Variants in ZNF577 observed in about 807,000 individuals in gnomAD.
ZNF577 encodes zinc finger protein 577.
A neutral mutation model predicts 13.9 loss-of-function variants in ZNF577; 14 were observed. The ratio of observed to expected loss-of-function variants is 1.00; its 90% CI spans 0.66 to 1.57. ZNF577 has a LOEUF of 1.57. Among genes scored for constraint, ZNF577 ranks in the 40% most tolerant of loss-of-function variants. The pLI is 0.00. For missense variants in ZNF577, 555 were observed against 579.2 expected, an observed-to-expected ratio of 0.96 and a Z score of 0.43; for synonymous variants, 203 against 202.9, an observed-to-expected ratio of 1.00 and a Z score of 0.00.
At chr19:51,814,991 G>A (rs931636204) in intron 9 of ZNF577, among the ~76,000 whole-genome samples, 3 of 151,334 alleles carry the variant, frequency 2.0e-5, no homozygotes, top group African/African-American at 7.3e-5. Flanking sequence ...CGTATTTTTA[G>A]TAGAGGCGGG....
At chr19:51,805,854 A>G (rs1266864133) in intron 10 of ZNF577, among the ~76,000 whole-genome samples, 4 of 152,224 alleles carry the variant, frequency 2.6e-5, no homozygotes, top group African/African-American at 9.6e-5. Context: ...CTGAAGTAGA[A>G]GAAGTTTCAC....
rs893730424 is a variant in ZNF577, at chr19:51,878,431, T to C, written c.145A>G (p.Lys49Glu). The change falls in exon 4 of 6, where the codon AAG (lysine) becomes GAG (glutamate). Residue 49 changes from lysine (K) to glutamate (E), a missense_variant. Lys to Glu is a moderately conservative substitution (Grantham distance 56, BLOSUM62 1). Coordinates refer to ENST00000638348, the MANE Select transcript of ZNF577 (RefSeq NM_001370449.1). ...FLDQSQKVLY[K>E]EVMLENYINL... is the part of the protein sequence containing the mutation. Reference sequence around the variant, plus strand: ...ATGTAGTTCTCCAACATTACTTCCTTGTACAAGACCTTCTGAGACTGGTCC... The same window carrying C: ...ATGTAGTTCTCCAACATTACTTCCTCGTACAAGACCTTCTGAGACTGGTCC... 1 of 1,614,134 alleles carries C rather than the reference T, an allele frequency of 6.2e-7. No homozygotes were observed. Among genetic ancestry groups the C allele is most frequent in the East Asian group, 2.2e-5 (1 of 44,876 alleles).
intron 9 of ZNF577, among the ~76,000 whole-genome samples, chr19:51,833,311 C>T: frequency 6.6e-6 from 1 of 152,118 alleles, no homozygotes; most frequent in African/African-American, 2.4e-5. Flanking sequence ...TTGGAGATTA[C>T]AATGCTATAC....
At chr19:51,835,358 A>G (rs2084282578) in intron 9 of ZNF577, among the ~76,000 whole-genome samples, 1 of 151,898 alleles carries the variant, frequency 6.6e-6, no homozygotes, top group Admixed American at 6.6e-5. Context: ...GAATTAGAAA[A>G]TCTAAATAGT....
intron 9 of ZNF577, among the ~76,000 whole-genome samples, chr19:51,839,102 G>C (rs2084304991): frequency 6.6e-6 from 1 of 152,146 alleles, no homozygotes; most frequent in African/African-American, 2.4e-5. Flanking sequence ...TTGCAAAGGA[G>C]ATACCATCAT....
In ZNF577 at chr19:51,871,826, G is replaced by A. The variant is rs1181973589; in HGVS notation, c.*706C>T. 1 of 152,164 alleles carries A rather than the reference G, an allele frequency of 6.6e-6. No homozygotes were observed. Among genetic ancestry groups the A allele is most frequent in the African/African-American group, 2.4e-5 (1 of 41,438 alleles). 9.4% of individuals were successfully genotyped at this position (152,164 alleles called of 1,614,324 possible). A position where few individuals can be genotyped will look rare whatever the true frequency, so the allele number is the denominator to read the frequency against. On this transcript the variant is annotated 3_prime_UTR_variant, in exon 6 of 6. Transcript: ENST00000638348. ...TCTAGAAGCTGGAAGGGCAAAGAAA[G>A]ACGCTCCCCTAGAGCCTCCAAAAAG...
In ZNF577 at chr19:51,824,156, TC is replaced by T; in HGVS notation, c.*600-12483del. 1 of 1,614,086 alleles carries T rather than the reference TC, an allele frequency of 6.2e-7. No individual in the cohort carries two copies. The highest frequency in any genetic ancestry group is 8.5e-7 in the Non-Finnish European group (1 of 1,179,984). ...TGCATCCAGCCTGGGCCCAGAACCA[TC>T]GCACCATGAGTCTGGCCAAGAGGGT... is the stretch of plus-strand genomic sequence containing the variant. On this transcript the variant is annotated intron_variant and NMD_transcript_variant, in intron 9 of 10. Coordinates refer to the ZNF577 transcript ENST00000638827. This position sits in a 1 kb window ranked among gnomAD's most constrained non-coding sequence, Gnocchi z 4.7.
Position 51,810,607 on chromosome 19 carries a change from G to A in ZNF577, c.*817+850C>T, listed in dbSNP as rs528033480. Among the ~76,000 whole-genome samples, 33 of 152,262 alleles carry A rather than the reference G, an allele frequency of 2.2e-4. 1 individual carries two copies. The South Asian group carries it at 6.4e-3, about 30-fold the overall frequency. Reference sequence around the variant, plus strand: ...TAATGTCTCCGTGTCCAGCAACATGGTTCTGTTTAGCCTGGTCTGCACACA... The same window carrying A: ...TAATGTCTCCGTGTCCAGCAACATGATTCTGTTTAGCCTGGTCTGCACACA... On this transcript the variant is annotated intron_variant and NMD_transcript_variant, in intron 10 of 10. Coordinates refer to the ZNF577 transcript ENST00000638827.
intron 5 of ZNF577, among the ~76,000 whole-genome samples, chr19:51,853,966 T>C (rs1018759524): frequency 1.3e-5 from 2 of 150,836 alleles, no homozygotes; most frequent in South Asian, 2.1e-4. Flanking sequence ...AGATTATAGG[T>C]AGAAGATAAA....
At chr19:51,814,967 G>A (rs900266497) in intron 9 of ZNF577, among the ~76,000 whole-genome samples, 1 of 151,476 alleles carries the variant, frequency 6.6e-6, no homozygotes, top group Non-Finnish European at 1.5e-5. Context: ...CTGCCACCAC[G>A]TCTGGCTAAT....
At chr19:51,830,370 C>T (rs747001343) in intron 9 of ZNF577, among the ~76,000 whole-genome samples, 1 of 152,200 alleles carries the variant, frequency 6.6e-6, no homozygotes. Flanking sequence ...CTCTCCTTGA[C>T]AGCAAACTCA....
At chr19:51,885,560 G>A (rs908802290) in intron 1 of ZNF577, among the ~76,000 whole-genome samples, 11 of 152,242 alleles carry the variant, frequency 7.2e-5, no homozygotes, top group African/African-American at 2.6e-4. Flanking sequence ...TGCCTAGGCT[G>A]GAGTGCAATG....
At chr19:51,876,904 G>A (rs2084773105) in intron 5 of ZNF577, among the ~76,000 whole-genome samples, 1 of 146,620 alleles carries the variant, frequency 6.8e-6, no homozygotes, top group South Asian at 2.1e-4. Context: ...CTCCAGCCCA[G>A]CCACAGTGCG....
chr19:51,859,691 C>T (rs1430475652), intron 5 of ZNF577, among the ~76,000 whole-genome samples: 1 of 152,108 alleles, frequency 6.6e-6, no homozygotes, highest in Non-Finnish European at 1.5e-5. Flanking sequence ...GGAATTCACA[C>T]TTACGTGGTA....
intron 5 of ZNF577, among the ~76,000 whole-genome samples, chr19:51,850,891 A>C (rs889678386): frequency 6.6e-6 from 1 of 152,238 alleles, no homozygotes; most frequent in African/African-American, 2.4e-5. Context: ...TATGTAAACT[A>C]GTAAACAAAT....
chr19:51,853,955 T>C (rs996537508), intron 5 of ZNF577, among the ~76,000 whole-genome samples: 1 of 150,924 alleles, frequency 6.6e-6, no homozygotes, highest in South Asian at 2.1e-4. Context: ...AAGAGCGAGA[T>C]AGATTATAGG....
chr19:51,837,200 T>C (rs574831803), intron 9 of ZNF577, among the ~76,000 whole-genome samples: 1 of 152,258 alleles, frequency 6.6e-6, no homozygotes, highest in South Asian at 2.1e-4. Context: ...GCTCCGGTTT[T>C]AAAGCAAAAG....
rs117210826 is a variant in ZNF577, at chr19:51,880,834, C to G, written c.-175G>C. 0.085 allele frequency: 13,400 copies of G among 158,562 alleles called. 676 individuals are homozygous for G. Among genetic ancestry groups the G allele is most frequent in the East Asian group, 0.21 (1,089 of 5,270 alleles). The allele number at this position is 158,562 out of a possible 1,614,324, so 9.8% of individuals were successfully genotyped here. A position where few individuals can be genotyped will look rare whatever the true frequency, so the allele number is the denominator to read the frequency against. ...GATGATCTTCCCCAGCCTGGAAGCTCCTTCTTCCATTACTGAAAATGTCTT... is the reference window on the plus strand; with the variant it reads ...GATGATCTTCCCCAGCCTGGAAGCTGCTTCTTCCATTACTGAAAATGTCTT... On this transcript the variant is annotated 5_prime_UTR_variant, in exon 2 of 6. Coordinates refer to ENST00000638348, the MANE Select transcript of ZNF577 (RefSeq NM_001370449.1).
chr19:51,857,338 GAA>G, intron 5 of ZNF577, among the ~76,000 whole-genome samples: 1 of 134,766 alleles, frequency 7.4e-6, no homozygotes, highest in African/African-American at 2.8e-5. Flanking sequence ...AGAAAGGAGA[GAA>G]AGAAAGAGAG....
Sources: allele counts gnomAD v4.1 joint callset (sites outside exome capture counted in the v4.1 genomes callset), GRCh38; gene constraint gnomAD v4.1.1; non-coding constraint Gnocchi (gnomAD v3.1); transcripts MANE v1.5; gene names NCBI Gene and HGNC (gene_info 2026-07-23, HGNC 2026-07-21).